The following EPB41L2 variants were observed in gnomAD, a reference collection of about 807,000 sequenced individuals.
The protein encoded by EPB41L2 is erythrocyte membrane protein band 4.1 like 2, also known as band 4.1-like protein 2.
A neutral mutation model predicts 113.0 loss-of-function variants in EPB41L2; 43 were observed. The ratio of observed to expected loss-of-function variants is 0.38; its 90% CI spans 0.30 to 0.49. EPB41L2 has a LOEUF of 0.49. Ranked by LOEUF, EPB41L2 falls within the 20% of genes least tolerant of loss-of-function variation. The pLI is 0.95. For missense variants in EPB41L2, 1,147 were observed against 1,223.4 expected (o/e 0.94, Z 0.93); for synonymous variants, 442 against 436.7 (o/e 1.01, Z -0.15).
chr6:130,911,118 A>G (rs1162540797), intron 4 of EPB41L2, among the ~76,000 whole-genome samples: 1 of 152,206 alleles, frequency 6.6e-6, no homozygotes, highest in East Asian at 1.9e-4. Flanking sequence ...ATGACTTGGA[A>G]CCAACTCAAA....
chr6:130,949,407 C>G (rs1022650915), intron 3 of EPB41L2, among the ~76,000 whole-genome samples: 5 of 152,084 alleles, frequency 3.3e-5, no homozygotes, highest in Non-Finnish European at 7.4e-5. Context: ...TTGAGACCTA[C>G]CTGGGCAACA....
rs79120676 is a variant in EPB41L2 at position 130,890,476 on chromosome 6, G to A, written c.1488-10C>T. The A allele has an allele frequency of 0.016, 21,614 of 1,336,372 alleles. 231 individuals are homozygous for A. Among genetic ancestry groups the A allele is most frequent in the African/African-American group, 0.11 (5,510 of 47,996 alleles). 82.8% of individuals were successfully genotyped at this position (1,336,372 alleles called of 1,614,324 possible). The stretch of plus-strand genomic sequence containing the variant: ...CTCTGGAGAAACAAGCCTATGGGAG[G>A]AAAAAAAAAAAAAAAGAGAGAGAGA... On this transcript the variant is annotated splice_polypyrimidine_tract_variant and intron_variant, in intron 10 of 19. Coordinates refer to ENST00000337057, the MANE Select transcript of EPB41L2 (RefSeq NM_001431.4).
intron 19 of EPB41L2, among the ~76,000 whole-genome samples, chr6:130,849,718 C>T (rs1582621904): frequency 6.6e-6 from 1 of 152,110 alleles, no homozygotes; most frequent in Non-Finnish European, 1.5e-5. Flanking sequence ...TGCATGTATT[C>T]CAACTTCACT....
chr6:130,975,689 A>C (rs1778028702), intron 1 of EPB41L2, among the ~76,000 whole-genome samples: 1 of 152,218 alleles, frequency 6.6e-6, no homozygotes, highest in African/African-American at 2.4e-5. Context: ...TTTTCTGGAA[A>C]AAAACTAAAA....
intron 5 of EPB41L2, among the ~76,000 whole-genome samples, chr6:130,906,760 C>T (rs537583796): frequency 2.0e-5 from 3 of 152,190 alleles, no homozygotes; most frequent in Middle Eastern, 6.8e-3. Flanking sequence ...TTATAGCAGA[C>T]ACCAAGGATA....
chr6:130,910,588 G>A (rs1381925832), intron 4 of EPB41L2, among the ~76,000 whole-genome samples: 1 of 152,154 alleles, frequency 6.6e-6, no homozygotes, highest in Non-Finnish European at 1.5e-5. Context: ...GAGTGAACAG[G>A]TAACCTACAG....
chr6:130,958,310 A>G (rs1169524618), intron 1 of EPB41L2, among the ~76,000 whole-genome samples: 2 of 151,872 alleles, frequency 1.3e-5, no homozygotes, highest in Non-Finnish European at 2.9e-5. Flanking sequence ...AACTTAGCTG[A>G]GCGTGGTGGC....
intron 1 of EPB41L2, among the ~76,000 whole-genome samples, chr6:131,005,247 A>G (rs1785228406): frequency 6.6e-6 from 1 of 151,076 alleles, no homozygotes; most frequent in South Asian, 2.1e-4. Flanking sequence ...ACTGCTGGTG[A>G]TGTGGTTTAT....
intron 1 of EPB41L2, among the ~76,000 whole-genome samples, chr6:131,037,132 C>G (rs999715017): frequency 6.6e-6 from 1 of 152,190 alleles, no homozygotes; most frequent in Admixed American, 6.5e-5. Flanking sequence ...AACAAGCAAA[C>G]TATTAAACAA....
At chr6:130,903,562 C>G (rs1796877288) in intron 6 of EPB41L2, among the ~76,000 whole-genome samples, 1 of 152,112 alleles carries the variant, frequency 6.6e-6, no homozygotes, top group East Asian at 1.9e-4. Flanking sequence ...GAACTAAAGA[C>G]AAGCAGACTC....
intron 1 of EPB41L2, among the ~76,000 whole-genome samples, chr6:131,035,864 G>C (rs1793197528): frequency 6.6e-6 from 1 of 152,232 alleles, no homozygotes; most frequent in Non-Finnish European, 1.5e-5. Flanking sequence ...ATTACTACAA[G>C]AGAAAGCACA....
At chr6:131,056,305 C>T (rs1053027578) in intron 1 of EPB41L2, among the ~76,000 whole-genome samples, 1 of 152,168 alleles carries the variant, frequency 6.6e-6, no homozygotes, top group African/African-American at 2.4e-5. Context: ...AACATATGCA[C>T]ACAATTTTAC....
chr6:131,048,325 AT>A (rs527576143), intron 1 of EPB41L2, among the ~76,000 whole-genome samples: 1 of 152,050 alleles, frequency 6.6e-6, no homozygotes, highest in Admixed American at 6.6e-5. Context: ...TTTTTGTTGT[AT>A]TTTTTGTTTT....
intron 19 of EPB41L2, among the ~76,000 whole-genome samples, chr6:130,848,455 T>C (rs1225973572): frequency 1.3e-5 from 2 of 152,206 alleles, no homozygotes; most frequent in East Asian, 3.8e-4. Context: ...TATATCCAAA[T>C]TATTATTTCA....
At chr6:130,900,832 G>C in intron 7 of EPB41L2, 130 bp downstream of exon 7, 1 of 995,120 alleles carries the variant, frequency 1.0e-6, no homozygotes, top group East Asian at 2.4e-5. Context: ...GCCTTGATTA[G>C]TGCTAGGTGA....
chr6:130,958,217 C>T lies in EPB41L2; in HGVS notation c.-14-1718G>A, dbSNP rs1396630497. On this transcript the variant is annotated intron_variant, in intron 1 of 19. Coordinates refer to ENST00000337057, the MANE Select transcript of EPB41L2 (RefSeq NM_001431.4). Reference sequence around the variant, plus strand: ...CTGTAATCCCAGCACTTTGGGAGGTCGAGGAGGGTGGACCACTTGAGGTCA... The same window carrying T: ...CTGTAATCCCAGCACTTTGGGAGGTTGAGGAGGGTGGACCACTTGAGGTCA... 2.6e-5 allele frequency among the ~76,000 whole-genome samples: 4 copies of T among 152,094 alleles called. No individual in the cohort carries two copies. The South Asian group carries it at 6.2e-4, about 24-fold the overall frequency.
intron 17 of EPB41L2, among the ~76,000 whole-genome samples, chr6:130,864,192 G>A (rs1410989257): frequency 1.3e-5 from 2 of 152,186 alleles, no homozygotes; most frequent in East Asian, 3.9e-4. Flanking sequence ...TTGAGAAACT[G>A]TTTGATGTGA....
In EPB41L2 at chr6:130,902,915, C is replaced by T. The variant is rs1425061762; in HGVS notation, c.929+1550G>A. ...ATAGTGTTCTTGCCCTTCTCAGAAG[C>T]CTACCCCAGCTTCTAAATGTTCACT... On this transcript the variant is annotated intron_variant, in intron 6 of 19. Transcript: ENST00000337057. 2.0e-5 allele frequency among the ~76,000 whole-genome samples: 3 copies of T among 152,156 alleles called. No individual in the cohort carries two copies. In the East Asian group the frequency reaches 5.8e-4, roughly 29 times the overall value.
intron 3 of EPB41L2, among the ~76,000 whole-genome samples, chr6:130,941,064 C>G (rs184284981): frequency 4.6e-5 from 7 of 152,132 alleles, no homozygotes; most frequent in Middle Eastern, 6.8e-3. Context: ...AAGTAGGAAC[C>G]AAATCAATAT....
Sources: allele counts gnomAD v4.1 joint callset (sites outside exome capture counted in the v4.1 genomes callset), GRCh38; gene constraint gnomAD v4.1.1; transcripts MANE v1.5; gene names NCBI Gene and HGNC (gene_info 2026-07-23, HGNC 2026-07-21).